Variants in UNC5C observed in about 807,000 individuals in gnomAD.
UNC5C encodes unc-5 netrin receptor C.
Under a neutral mutation model 99.8 loss-of-function variants are expected in UNC5C, and 47 were observed. That is an observed-to-expected ratio of 0.47 (90% CI 0.37 to 0.60). The LOEUF (loss-of-function observed/expected upper bound fraction) is 0.60, where lower values mean the gene tolerates loss of function less well. Among genes scored for constraint, UNC5C ranks in the 20% least tolerant of loss-of-function variants. The pLI is 0.00. For missense variants in UNC5C, 1,062 were observed against 1,165.9 expected (o/e 0.91, Z 1.30); for synonymous variants, 487 against 452.2 (o/e 1.08, Z -0.98).
chr4:95,292,306 G>C (rs111543592), intron 3 of UNC5C, among the ~76,000 whole-genome samples: 5 of 144,768 alleles, frequency 3.5e-5, no homozygotes, highest in African/African-American at 1.3e-4. Context: ...GTCTTGCTCT[G>C]TCACCCAGGC....
chr4:95,437,458 T>G (rs1395141842), intron 1 of UNC5C, among the ~76,000 whole-genome samples: 1 of 151,998 alleles, frequency 6.6e-6, no homozygotes, highest in African/African-American at 2.4e-5. Context: ...TTTATTTCTG[T>G]GGCATATTGT....
intron 1 of UNC5C, among the ~76,000 whole-genome samples, chr4:95,376,059 C>G (rs924414772): frequency 1.3e-5 from 2 of 151,762 alleles, no homozygotes; most frequent in Non-Finnish European, 2.9e-5. Context: ...TCTCAAAAAA[C>G]AAACAAACAA....
intron 1 of UNC5C, among the ~76,000 whole-genome samples, chr4:95,336,591 A>G (rs1743358550): frequency 6.6e-6 from 1 of 151,908 alleles, no homozygotes; most frequent in Admixed American, 6.6e-5. Context: ...CTGTGTTGGA[A>G]GATAGCCATT....
At chr4:95,339,956 A>C (rs1489495614) in intron 1 of UNC5C, among the ~76,000 whole-genome samples, 1 of 152,048 alleles carries the variant, frequency 6.6e-6, no homozygotes, top group Non-Finnish European at 1.5e-5. Context: ...TCCACTTTCT[A>C]CTATTACTCA....
At chr4:95,521,633 C>T (rs1358295710) in intron 1 of UNC5C, among the ~76,000 whole-genome samples, 1 of 152,102 alleles carries the variant, frequency 6.6e-6, no homozygotes, top group Non-Finnish European at 1.5e-5. Flanking sequence ...ACATTGGGGA[C>T]TTAGGATTTC....
intron 3 of UNC5C, among the ~76,000 whole-genome samples, chr4:95,293,295 C>CTTTTTTTTTT (rs1175837199): frequency 1.8e-5 from 1 of 56,882 alleles, no homozygotes; most frequent in African/African-American, 7.4e-5. Context: ...TAATAGTGAG[C>CTTTTTTTTTT]TTTTTTTTTT....
chr4:95,375,561 C>T (rs1744869859), intron 1 of UNC5C, among the ~76,000 whole-genome samples: 1 of 151,970 alleles, frequency 6.6e-6, no homozygotes, highest in Non-Finnish European at 1.5e-5. Flanking sequence ...TAATTTGAGG[C>T]AAAAAGTTTT....
rs142381734 is a variant in UNC5C, at chr4:95,541,273, C to A, written c.124+7461G>T. ...GGAGCTCTGAGTAGCGTGACAAAATCTCTCAGACATGAATCACTCCTTCAT... is the reference window on the plus strand; with the variant it reads ...GGAGCTCTGAGTAGCGTGACAAAATATCTCAGACATGAATCACTCCTTCAT... On this transcript the variant is annotated intron_variant, in intron 1 of 15. Transcript: ENST00000453304. Among the ~76,000 whole-genome samples, 683 of 152,206 alleles carry A rather than the reference C, an allele frequency of 4.5e-3. 3 individuals carry two copies. Among genetic ancestry groups the A allele is most frequent in the African/African-American group, 0.016 (653 of 41,528 alleles).
intron 1 of UNC5C, among the ~76,000 whole-genome samples, chr4:95,488,256 C>T (rs138471471): frequency 0.01 from 1,585 of 151,636 alleles, 10 homozygotes; most frequent in African/African-American, 0.021. Flanking sequence ...TCTGAAAGTG[C>T]TATGTACACA....
intron 1 of UNC5C, among the ~76,000 whole-genome samples, chr4:95,450,196 T>C (rs1747241464): frequency 6.6e-6 from 1 of 152,154 alleles, no homozygotes; most frequent in Non-Finnish European, 1.5e-5. Context: ...AGGATGTAAA[T>C]TGTAAGGTGG....
At chr4:95,426,098 C>G (rs1459458481) in intron 1 of UNC5C, among the ~76,000 whole-genome samples, 2 of 152,062 alleles carry the variant, frequency 1.3e-5, no homozygotes, top group Non-Finnish European at 2.9e-5. Context: ...TTCTGGCAAC[C>G]CTGTGTCGGA....
chr4:95,525,057 C>T (rs561300277), intron 1 of UNC5C, among the ~76,000 whole-genome samples: 85 of 152,264 alleles, frequency 5.6e-4, no homozygotes, highest in African/African-American at 1.8e-3. Context: ...AAAGCCCTCC[C>T]TCCAAATGCT....
At chr4:95,508,568 C>T (rs1721986187) in intron 1 of UNC5C, among the ~76,000 whole-genome samples, 1 of 151,820 alleles carries the variant, frequency 6.6e-6, no homozygotes, top group South Asian at 2.1e-4. Flanking sequence ...TGTTTTTATT[C>T]ATGCTGTGAC....
At chr4:95,480,128 T>G (rs1404925417) in intron 1 of UNC5C, among the ~76,000 whole-genome samples, 2 of 151,500 alleles carry the variant, frequency 1.3e-5, no homozygotes, top group African/African-American at 4.9e-5. Flanking sequence ...TTTTGGGACT[T>G]CTCAGTCTCT....
At chr4:95,209,275 T>G (rs1225347798) in intron 10 of UNC5C, among the ~76,000 whole-genome samples, 1 of 152,254 alleles carries the variant, frequency 6.6e-6, no homozygotes, top group East Asian at 1.9e-4. Context: ...ACAAGACTTG[T>G]GTGTTTTATC....
At chr4:95,469,578 CT>C (rs34793185) in intron 1 of UNC5C, among the ~76,000 whole-genome samples, 77,325 of 151,572 alleles carry the variant, frequency 0.51, 20,686 homozygotes, top group African/African-American at 0.67. Flanking sequence ...TATTTCCTTT[CT>C]TTTTTTTTAC....
chr4:95,441,255 A>C (rs1275625658), intron 1 of UNC5C, among the ~76,000 whole-genome samples: 1 of 152,188 alleles, frequency 6.6e-6, no homozygotes, highest in Non-Finnish European at 1.5e-5. Context: ...TTCCTGAACA[A>C]ATATGGCTAT....
chr4:95,539,691 C>T (rs77912779), intron 1 of UNC5C, among the ~76,000 whole-genome samples: 2,823 of 152,166 alleles, frequency 0.019, 43 homozygotes, highest in Non-Finnish European at 0.025. Context: ...CATATATGCT[C>T]ACAGGGAATT....
At chr4:95,332,503 G>A (rs369274438) in intron 2 of UNC5C, among the ~76,000 whole-genome samples, 2 of 151,270 alleles carry the variant, frequency 1.3e-5, no homozygotes, top group African/African-American at 2.4e-5. Context: ...GGTGCTGGGA[G>A]AACTGGCTAG....
Sources: gnomAD v4.1 joint callset for allele counts (sites outside exome capture counted in the v4.1 genomes callset) on GRCh38, gnomAD v4.1.1 for gene constraint, MANE v1.5 for transcripts, NCBI Gene and HGNC (gene_info 2026-07-23, HGNC 2026-07-21) for gene names.